Variants in ANO10 observed in about 807,000 individuals in gnomAD.
ANO10 encodes anoctamin-10.
ANO10 carries 77 observed loss-of-function variants against 74.7 expected under a neutral mutation model. That is an observed-to-expected ratio of 1.03 (90% CI 0.86 to 1.25). The LOEUF is 1.25. Among genes scored for constraint, ANO10 ranks in the 50% most tolerant of loss-of-function variants. ANO10 has a pLI of 0.00. For synonymous variants in ANO10, 279 were observed against 284.9 expected (o/e 0.98, Z 0.21); for missense variants, 721 against 778.1 (o/e 0.93, Z 0.87).
chr3:43,494,410 G>A (rs532148418), intron 11 of ANO10, among the ~76,000 whole-genome samples: 2 of 152,190 alleles, frequency 1.3e-5, no homozygotes, highest in East Asian at 1.9e-4. Flanking sequence ...CTGAGATTGC[G>A]CCATTGCACT....
At chr3:43,632,147 T>G (rs1347658092) in intron 1 of ANO10, among the ~76,000 whole-genome samples, 1 of 152,204 alleles carries the variant, frequency 6.6e-6, no homozygotes, top group Admixed American at 6.5e-5. Context: ...AGTTCAGTAC[T>G]TAAGAAAATT....
At chr3:43,444,531 T>C (rs1022333639) in intron 11 of ANO10, among the ~76,000 whole-genome samples, 1 of 152,232 alleles carries the variant, frequency 6.6e-6, no homozygotes, top group Non-Finnish European at 1.5e-5. Flanking sequence ...TATCTTAAGA[T>C]TATGATTTCA....
rs1473278105 is a variant in ANO10, at chr3:43,468,233, G to T, written c.1798-35506C>A. On this transcript the variant is annotated intron_variant, in intron 11 of 12. Coordinates refer to ENST00000292246, the MANE Select transcript of ANO10 (RefSeq NM_018075.5). ...GTAATCCTTAAGGATTTCACAAAGT[G>T]GTCTACTCTACAAGTTGGTTTCATA... 3.9e-5 allele frequency among the ~76,000 whole-genome samples: 6 copies of T among 152,138 alleles called. No individual in the cohort carries two copies. The East Asian group carries it at 1.2e-3, about 29-fold the overall frequency.
intron 1 of ANO10, among the ~76,000 whole-genome samples, chr3:43,620,290 G>A (rs2083322326): frequency 6.6e-6 from 1 of 152,066 alleles, no homozygotes; most frequent in Admixed American, 6.5e-5. Flanking sequence ...AAGGTGGAAA[G>A]AAAAAGCAAA....
chr3:43,662,365 A>G (rs977032936), intron 1 of ANO10, among the ~76,000 whole-genome samples: 2 of 152,244 alleles, frequency 1.3e-5, no homozygotes, highest in South Asian at 2.1e-4. Context: ...CAATGAGAAC[A>G]AAGACACAAC....
At chr3:43,431,940 G>T (rs556951213) in intron 12 of ANO10, among the ~76,000 whole-genome samples, 78 of 152,196 alleles carry the variant, frequency 5.1e-4, no homozygotes, top group Non-Finnish European at 9.4e-4. Flanking sequence ...TGTCCAGGAG[G>T]TTCTGCCCAG....
At chr3:43,511,562 A>G (rs1221501571) in intron 11 of ANO10, among the ~76,000 whole-genome samples, 1 of 152,148 alleles carries the variant, frequency 6.6e-6, no homozygotes, top group Non-Finnish European at 1.5e-5. Flanking sequence ...AGCAGAGCCC[A>G]TTCGTTTGTT....
intron 1 of ANO10, among the ~76,000 whole-genome samples, chr3:43,627,630 C>T (rs2083504711): frequency 6.6e-6 from 1 of 152,238 alleles, no homozygotes. Flanking sequence ...CTGCCTGATA[C>T]CAAGATAGTG....
intron 1 of ANO10, among the ~76,000 whole-genome samples, chr3:43,684,722 A>G (rs2084251286): frequency 6.6e-6 from 1 of 152,252 alleles, no homozygotes; most frequent in African/African-American, 2.4e-5. Flanking sequence ...AAAATGTGGC[A>G]CATATACACC....
chr3:43,488,564 A>C (rs1307891830), intron 11 of ANO10, among the ~76,000 whole-genome samples: 1 of 152,140 alleles, frequency 6.6e-6, no homozygotes, highest in African/African-American at 2.4e-5. Context: ...AAGACACATG[A>C]AAAAATGCTC....
In ANO10 at chr3:43,591,746, G is replaced by A. The variant is rs367878077; in HGVS notation, c.472+6786C>T. On this transcript the variant is annotated intron_variant, in intron 4 of 12. Coordinates refer to ENST00000292246, the MANE Select transcript of ANO10 (RefSeq NM_018075.5). Reference sequence around the variant, plus strand: ...TCATCTCACTGGGGCTCGTTGGACGGTGGGTGCAGGACAGTGGGTGCAGCG... The same window carrying A: ...TCATCTCACTGGGGCTCGTTGGACGATGGGTGCAGGACAGTGGGTGCAGCG... 5.1e-4 allele frequency among the ~76,000 whole-genome samples: 78 copies of A among 152,342 alleles called. 1 individual carries two copies. The South Asian group carries it at 0.015, about 28-fold the overall frequency.
chr3:43,528,798 A>G (rs944404587), intron 11 of ANO10, among the ~76,000 whole-genome samples: 5 of 152,100 alleles, frequency 3.3e-5, no homozygotes, highest in African/African-American at 9.7e-5. Context: ...ATCTCTACAA[A>G]AAATACAAAA....
intron 11 of ANO10, among the ~76,000 whole-genome samples, chr3:43,545,796 T>C (rs2079165800): frequency 6.6e-6 from 1 of 152,248 alleles, no homozygotes; most frequent in Non-Finnish European, 1.5e-5. Context: ...TCCTATGAAA[T>C]GATTAGCAAA....
intron 12 of ANO10, among the ~76,000 whole-genome samples, chr3:43,368,556 C>T (rs1019796284): frequency 2.0e-5 from 3 of 152,182 alleles, no homozygotes; most frequent in Admixed American, 2.0e-4. Context: ...TTCAGGTCTT[C>T]CCACAAGCCC....
At chr3:43,606,673 A>G (rs572108885) in intron 1 of ANO10, among the ~76,000 whole-genome samples, 115 of 152,208 alleles carry the variant, frequency 7.6e-4, no homozygotes, top group African/African-American at 2.6e-3. Flanking sequence ...AGAAAAAGAA[A>G]ACTGTTAGTG....
At chr3:43,583,951 C>A (rs538781960) in intron 4 of ANO10, among the ~76,000 whole-genome samples, 7 of 152,208 alleles carry the variant, frequency 4.6e-5, no homozygotes, top group Non-Finnish European at 8.8e-5. Context: ...TTTTGAGACA[C>A]AGCTTTGATC....
chr3:43,688,321 A>T (rs1210521700), intron 1 of ANO10, among the ~76,000 whole-genome samples: 1 of 152,132 alleles, frequency 6.6e-6, no homozygotes, highest in African/African-American at 2.4e-5. Context: ...TCCAGGCGGT[A>T]GGGTCTTCAA....
chr3:43,485,810 G>A (rs998508221), intron 11 of ANO10: 16 of 279,498 alleles, frequency 5.7e-5, no homozygotes, highest in Non-Finnish European at 9.2e-5. Flanking sequence ...GTGGGGCAGT[G>A]TGTGGCATTC....
chr3:43,549,951 G>A, intron 10 of ANO10, 103 bp from the exon 11 acceptor site: 1 of 1,315,566 alleles, frequency 7.6e-7, no homozygotes, highest in Admixed American at 2.2e-5. Context: ...TCTTACCCTA[G>A]TTCTAAACAT....
Sources: allele counts gnomAD v4.1 joint callset (sites outside exome capture counted in the v4.1 genomes callset), GRCh38; gene constraint gnomAD v4.1.1; transcripts MANE v1.5; gene names NCBI Gene and HGNC (gene_info 2026-07-23, HGNC 2026-07-21).